Variants in PRRC2B observed in about 807,000 individuals in gnomAD.
PRRC2B encodes the protein protein PRRC2B.
Under a neutral mutation model 242.3 loss-of-function variants are expected in PRRC2B, and 68 were observed. That is an observed-to-expected ratio of 0.28 (90% CI 0.23 to 0.34). The LOEUF (loss-of-function observed/expected upper bound fraction) is 0.34. PRRC2B is among the 10% of genes least tolerant of loss of function. PRRC2B has a pLI of 1.00. For synonymous variants in PRRC2B, 1,228 were observed against 1,173.6 expected, an observed-to-expected ratio of 1.05 and a Z score of -0.95; for missense variants, 2,835 against 2,954.8, an observed-to-expected ratio of 0.96 and a Z score of 0.94.
At position 131,402,872 on chromosome 9, in the gene PRRC2B, A is replaced by G. The variant is rs148935615; in HGVS notation, c.-52+8609A>G. On this transcript the variant is annotated intron_variant, in intron 1 of 31. Coordinates refer to ENST00000683519, the MANE Select transcript of PRRC2B (RefSeq NM_013318.4). ...TGCCGAGGCCCTTTGAATGGTGAAC[A>G]TTATGCAAGCATTCTTGTATGGCCA... Among the ~76,000 whole-genome samples the G allele has an allele frequency of 1.1e-4, 17 of 152,328 alleles. No homozygotes were observed. The East Asian group carries it at 2.5e-3, about 22-fold the overall frequency.
intron 1 of PRRC2B, among the ~76,000 whole-genome samples, chr9:131,419,747 T>G (rs1045227585): frequency 2.0e-5 from 3 of 151,500 alleles, no homozygotes; most frequent in Non-Finnish European, 4.4e-5. Context: ...CAAGTCACAG[T>G]GTGGAGTGGA....
chr9:131,453,391 TTTTTAA>T (rs1402939560), intron 9 of PRRC2B, among the ~76,000 whole-genome samples: 19 of 152,236 alleles, frequency 1.2e-4, no homozygotes, highest in African/African-American at 4.6e-4. Flanking sequence ...CTTTTAAATT[TTTTTAA>T]TTTTAATTTA....
chr9:131,388,484 C>G (rs1041256110), intron 1 of PRRC2B, among the ~76,000 whole-genome samples: 1 of 149,632 alleles, frequency 6.7e-6, no homozygotes, highest in Non-Finnish European at 1.5e-5. Flanking sequence ...AGGTGATCCG[C>G]GCACCTCGGA....
At chr9:131,472,635 C>T (rs1180735645) in intron 14 of PRRC2B, among the ~76,000 whole-genome samples, 1 of 152,048 alleles carries the variant, frequency 6.6e-6, no homozygotes, top group Admixed American at 6.6e-5. Flanking sequence ...TGCCACCATG[C>T]CTGGCTGATT....
At chr9:131,426,291 C>T (rs1295326273) in intron 1 of PRRC2B, among the ~76,000 whole-genome samples, 2 of 127,810 alleles carry the variant, frequency 1.6e-5, no homozygotes, top group Admixed American at 9.4e-5. Flanking sequence ...TGAGCTAAGA[C>T]GGTGCCACTG....
chr9:131,482,660 G>A lies in PRRC2B; in HGVS notation c.5176-50G>A. 1.3e-6 allele frequency: 2 copies of A among 1,522,916 alleles called. No individual in the cohort carries two copies. The highest frequency in any genetic ancestry group is 2.8e-5 in the African/African-American group (2 of 72,268). The allele number at this position is 1,522,916 out of a possible 1,614,324, so 94.3% of individuals were successfully genotyped here. On this transcript the variant is annotated intron_variant, in intron 21 of 31. Coordinates refer to ENST00000683519, the MANE Select transcript of PRRC2B (RefSeq NM_013318.4). This position sits in a 1 kb window ranked among gnomAD's most constrained non-coding sequence, Gnocchi z 5.2. ...TTCCTGGGACAGTAGAAGCTAGAGAGTGTGGTCATTCCAGTCTGTGTGTCT... is the reference window on the plus strand; with the variant it reads ...TTCCTGGGACAGTAGAAGCTAGAGAATGTGGTCATTCCAGTCTGTGTGTCT...
Position 131,477,620 on chromosome 9 carries a change from C to T in PRRC2B, c.4407-124C>T, listed in dbSNP as rs549004829. On this transcript the variant is annotated intron_variant, in intron 16 of 31. Transcript: ENST00000683519. ...GGCCAGCCTGCCGCTCCTCCCCACCCGAGGAGTCAGCTAGAGGAAGTGGGC... is the reference window on the plus strand; with the variant it reads ...GGCCAGCCTGCCGCTCCTCCCCACCTGAGGAGTCAGCTAGAGGAAGTGGGC... 145 of 633,734 alleles carry T rather than the reference C, an allele frequency of 2.3e-4. 1 individual carries two copies. The highest frequency in any genetic ancestry group is 5.6e-4 in the South Asian group (30 of 53,204). 39.3% of individuals were successfully genotyped at this position (633,734 alleles called of 1,614,324 possible).
rs1412766263 is a variant in PRRC2B at position 131,497,547 on chromosome 9, A to G, written c.*1673A>G. The G allele has an allele frequency of 1.3e-5, 2 of 152,204 alleles. No homozygotes were observed. Among genetic ancestry groups the G allele is most frequent in the Non-Finnish European group, 2.9e-5 (2 of 68,064 alleles). The allele number at this position is 152,204 out of a possible 1,614,324, so 9.4% of individuals were successfully genotyped here. A position where few individuals can be genotyped will look rare whatever the true frequency, so the allele number is the denominator to read the frequency against. On this transcript the variant is annotated 3_prime_UTR_variant, in exon 32 of 32. Coordinates refer to ENST00000683519, the MANE Select transcript of PRRC2B (RefSeq NM_013318.4). ...AGGACAGCGCTCAGGCTTGGGCTCT[A>G]AGCTCTGTGTCTAGTGTAGAACATG...
intron 1 of PRRC2B, among the ~76,000 whole-genome samples, chr9:131,429,856 G>T (rs111545130): frequency 2.6e-5 from 4 of 151,978 alleles, no homozygotes; most frequent in Non-Finnish European, 5.9e-5. Context: ...GTGGGGGTTG[G>T]GGGGGTACTC....
chr9:131,391,834 G>C (rs1436712336), upstream of PRRC2B, among the ~76,000 whole-genome samples: 4 of 152,074 alleles, frequency 2.6e-5, no homozygotes, highest in Non-Finnish European at 5.9e-5. Flanking sequence ...TCCACCTCCT[G>C]GGTTCAAGTG....
At chr9:131,425,406 C>T (rs1447788843) in intron 1 of PRRC2B, among the ~76,000 whole-genome samples, 1 of 152,150 alleles carries the variant, frequency 6.6e-6, no homozygotes, top group African/African-American at 2.4e-5. Flanking sequence ...TCCATTCTAC[C>T]CTTTTCCCTC....
At position 131,482,367 on chromosome 9, in the gene PRRC2B, A is replaced by G; in HGVS notation, c.4984-4A>G. 1 of 1,573,250 alleles carries G rather than the reference A, an allele frequency of 6.4e-7. No individual in the cohort carries two copies. The highest frequency in any genetic ancestry group is 1.1e-5 in the South Asian group (1 of 87,794). The stretch of plus-strand genomic sequence containing the variant: ...GGCTATAACCCATTTTGTGCTCTGC[A>G]CAGCAGGGTTTTAAGAGCAGCCAGG... On this transcript the variant is annotated splice_region_variant and splice_polypyrimidine_tract_variant and intron_variant, in intron 20 of 31. Coordinates refer to ENST00000683519, the MANE Select transcript of PRRC2B (RefSeq NM_013318.4). The surrounding 1 kb of genome is among the most constrained non-coding windows in gnomAD (Gnocchi z 5.2).
Position 131,490,588 on chromosome 9 carries a change from C to T in PRRC2B, c.6226-837C>T, listed in dbSNP as rs545948369. The stretch of plus-strand genomic sequence containing the variant: ...ACTGAGAGACCAAAAGTGGCCCAGC[C>T]CCCCTACCCCATCCTGTTCCCCTGT... On this transcript the variant is annotated intron_variant, in intron 28 of 31. Transcript: ENST00000683519. 172 of 519,028 alleles carry T rather than the reference C, an allele frequency of 3.3e-4. 5 individuals carry two copies. Among genetic ancestry groups the T allele is most frequent in the South Asian group, 1.5e-3 (106 of 71,574 alleles). The allele number at this position is 519,028 out of a possible 1,614,324, so 32.2% of individuals were successfully genotyped here.
intron 1 of PRRC2B, among the ~76,000 whole-genome samples, chr9:131,374,213 A>G (rs946980194): frequency 6.6e-6 from 1 of 152,176 alleles, no homozygotes; most frequent in Non-Finnish European, 1.5e-5. Flanking sequence ...AATTTTAAAA[A>G]TACCAAAGAA....
intron 1 of PRRC2B, among the ~76,000 whole-genome samples, chr9:131,412,836 C>G (rs1335764309): frequency 7.0e-6 from 1 of 142,672 alleles, no homozygotes; most frequent in Non-Finnish European, 1.5e-5. Flanking sequence ...TGCTGTTGCT[C>G]AGGCTGGAGT....
chr9:131,408,431 C>G (rs574841695), intron 1 of PRRC2B, among the ~76,000 whole-genome samples: 1 of 152,146 alleles, frequency 6.6e-6, no homozygotes, highest in Non-Finnish European at 1.5e-5. Flanking sequence ...TACGATGCCA[C>G]TGTATAGTGG....
intron 30 of PRRC2B, among the ~76,000 whole-genome samples, chr9:131,492,549 C>A (rs371772838): frequency 7.2e-5 from 11 of 152,326 alleles, no homozygotes; most frequent in African/African-American, 2.4e-4. Context: ...ATTTAGTAGG[C>A]ATCAGGACTG....
chr9:131,490,676 C>A, intron 28 of PRRC2B: 1 of 497,246 alleles, frequency 2.0e-6, no homozygotes, highest in South Asian at 1.4e-5. Flanking sequence ...TTAGGCCCTG[C>A]AGCTACCCTG....
chr9:131,455,186 C>G lies in PRRC2B; in HGVS notation c.1211+20C>G, dbSNP rs1309104529. On this transcript the variant is annotated intron_variant, in intron 10 of 31. Coordinates refer to ENST00000683519, the MANE Select transcript of PRRC2B (RefSeq NM_013318.4). ...AAAGTGGTAAGGACCCGTTCCTGCCCTATCAGCATGAGTGCATCCCTGCTT... is the reference window on the plus strand; with the variant it reads ...AAAGTGGTAAGGACCCGTTCCTGCCGTATCAGCATGAGTGCATCCCTGCTT... 4 of 1,561,648 alleles carry G rather than the reference C, an allele frequency of 2.6e-6. No individual in the cohort carries two copies. Among genetic ancestry groups the G allele is most frequent in the East Asian group, 4.5e-5 (2 of 44,552 alleles).
Sources: allele counts gnomAD v4.1 joint callset (sites outside exome capture counted in the v4.1 genomes callset), GRCh38; gene constraint gnomAD v4.1.1; non-coding constraint Gnocchi (gnomAD v3.1); transcripts MANE v1.5; gene names NCBI Gene and HGNC (gene_info 2026-07-23, HGNC 2026-07-21).